Variants in ATP6AP2 observed in about 807,000 individuals in gnomAD.
The protein encoded by ATP6AP2 is renin receptor.
Under a neutral mutation model 23.4 loss-of-function variants are expected in ATP6AP2, and 1 was observed. The ratio of observed to expected loss-of-function variants is 0.04; its 90% CI spans 0.02 to 0.20. The LOEUF is 0.20. Ranked by LOEUF, ATP6AP2 falls within the 10% of genes least tolerant of loss-of-function variation. The pLI, the probability that ATP6AP2 is intolerant of heterozygous loss-of-function variation, is 1.00. For synonymous variants in ATP6AP2, 90 were observed against 97.1 expected, an observed-to-expected ratio of 0.93 and a Z score of 0.43; for missense variants, 174 against 271.3, an observed-to-expected ratio of 0.64 and a Z score of 2.52.
intron 1 of ATP6AP2, among the ~76,000 whole-genome samples, chrX:40,581,930 G>A (rs973787993): frequency 5.4e-5 from 6 of 112,046 alleles, no homozygotes; most frequent in East Asian, 5.6e-4. Context: ...AACAGGTTGG[G>A]TGCTGGATTT....
chrX:40,600,574 G>A, intron 7 of ATP6AP2, 188 bp from the exon 8 acceptor site: 1 of 382,918 alleles, frequency 2.6e-6, no homozygotes, highest in Non-Finnish European at 4.4e-6. Flanking sequence ...TTGACTCACT[G>A]CATAAAATGA....
Position 40,582,215 on chromosome X carries a change from G to A in ATP6AP2, c.37+1113G>A, listed in dbSNP as rs749611190. Among the ~76,000 whole-genome samples the A allele has an allele frequency of 4.5e-5, 5 of 112,085 alleles. No individual in the cohort carries two copies. In the South Asian group the frequency reaches 1.5e-3, roughly 33 times the overall value. ...GGCCGAAGCAGGCAGATCACCTGAGGTCAGGAGTTTGAGACCAGCCTGGCC... is the reference window on the plus strand; with the variant it reads ...GGCCGAAGCAGGCAGATCACCTGAGATCAGGAGTTTGAGACCAGCCTGGCC... On this transcript the variant is annotated intron_variant, in intron 1 of 8. Coordinates refer to ENST00000636580, the MANE Select transcript of ATP6AP2 (RefSeq NM_005765.3).
intron 8 of ATP6AP2, 141 bp downstream of exon 8, chrX:40,601,022 C>T: frequency 1.6e-6 from 1 of 620,682 alleles, no homozygotes; most frequent in Non-Finnish European, 2.4e-6. Context: ...AAAACGTAAG[C>T]TTCTTGTTCA....
intron 7 of ATP6AP2, 35 bp downstream of exon 7, chrX:40,599,776 G>A (rs1409786520): frequency 8.3e-7 from 1 of 1,204,871 alleles, no homozygotes; most frequent in Non-Finnish European, 1.1e-6. Context: ...GTTGGAGTAT[G>A]ACCATTTCAC....
intron 1 of ATP6AP2, among the ~76,000 whole-genome samples, chrX:40,582,878 C>T (rs1485782590): frequency 8.9e-6 from 1 of 111,863 alleles, no homozygotes; most frequent in Non-Finnish European, 1.9e-5. Context: ...GTTTTCCTTA[C>T]TAGCATAGCC....
At chrX:40,581,155 G>T in intron 1 of ATP6AP2, 53 bp downstream of exon 1, 4 of 1,074,457 alleles carry the variant, frequency 3.7e-6, no homozygotes, top group Non-Finnish European at 4.8e-6. Context: ...GCGCCGCGGG[G>T]CTTGGGGGTC....
intron 1 of ATP6AP2, among the ~76,000 whole-genome samples, chrX:40,584,219 G>A (rs1052218572): frequency 1.8e-5 from 2 of 110,248 alleles, no homozygotes; most frequent in African/African-American, 3.3e-5. Flanking sequence ...TGGGACCACA[G>A]GCGCATGCCA....
At chrX:40,601,646 C>G (rs1189210501) in intron 8 of ATP6AP2, among the ~76,000 whole-genome samples, 2 of 109,287 alleles carry the variant, frequency 1.8e-5, no homozygotes, top group African/African-American at 6.7e-5. Flanking sequence ...AGTGTAGATG[C>G]TCCCTAACAT....
chrX:40,602,543 A>C (rs1227060292), intron 8 of ATP6AP2, among the ~76,000 whole-genome samples: 1 of 106,212 alleles, frequency 9.4e-6, no homozygotes. Flanking sequence ...CCAGCTACTT[A>C]GGAGTCTGAG....
intron 6 of ATP6AP2, 95 bp from the exon 7 acceptor site, chrX:40,599,497 C>CTAGTT: frequency 1.9e-6 from 2 of 1,046,271 alleles, no homozygotes; most frequent in Non-Finnish European, 2.6e-6. Flanking sequence ...TTAGTTTAGC[C>CTAGTT]TAGTTTAGTT....
chrX:40,602,041 G>GAGTCT lies in ATP6AP2; in HGVS notation c.858+1160_858+1161insAGTCT, dbSNP rs1376895157. ...TCACGCCTGTAATCCCAGCACTTTG[G>GAGTCT]GAGGTTGAGGCGGGCGGAACACCTG... On this transcript the variant is annotated intron_variant, in intron 8 of 8. Transcript: ENST00000636580. Among the ~76,000 whole-genome samples, 30 of 107,596 alleles carry GAGTCT rather than the reference G, an allele frequency of 2.8e-4. 1 individual carries two copies. The highest frequency in any genetic ancestry group is 8.9e-4 in the East Asian group (3 of 3,386). The allele number at this position is 107,596 out of a possible 115,157, so 93.4% of individuals were successfully genotyped here.
intron 1 of ATP6AP2, among the ~76,000 whole-genome samples, chrX:40,586,520 GGTTA>G (rs1926475928): frequency 8.9e-6 from 1 of 111,787 alleles, no homozygotes; most frequent in Non-Finnish European, 1.9e-5. Context: ...CTGGAGATGA[GGTTA>G]TCTGGTGAGA....
intron 8 of ATP6AP2, among the ~76,000 whole-genome samples, chrX:40,602,923 T>TTTTTTTTTG (rs1555978327): frequency 2.5e-3 from 38 of 15,083 alleles, no homozygotes; most frequent in Non-Finnish European, 6.4e-3. Flanking sequence ...CTTTTTTTTT[T>TTTTTTTTTG]TTTTTTTTTT....
At chrX:40,583,047 G>C (rs1246690969) in intron 1 of ATP6AP2, among the ~76,000 whole-genome samples, 2 of 112,085 alleles carry the variant, frequency 1.8e-5, no homozygotes, top group Non-Finnish European at 3.8e-5. Context: ...AACAAAAATA[G>C]AAATCCTTTA....
intron 1 of ATP6AP2, 24 bp from the exon 2 acceptor site, chrX:40,588,962 T>C: frequency 8.4e-7 from 1 of 1,197,192 alleles, no homozygotes; most frequent in Non-Finnish European, 1.1e-6. Context: ...TGATAATTCA[T>C]TTACTGATCT....
At chrX:40,591,455 C>T (rs760326273) in intron 3 of ATP6AP2, 90 bp downstream of exon 3, 8 of 1,015,343 alleles carry the variant, frequency 7.9e-6, no homozygotes, top group Admixed American at 2.6e-5. Flanking sequence ...ACATACTTCT[C>T]TTATCTGTTT....
chrX:40,591,639 G>A (rs1926632073), intron 3 of ATP6AP2: 7 of 295,459 alleles, frequency 2.4e-5, no homozygotes, highest in South Asian at 2.0e-4. Context: ...GAAAAAGAGA[G>A]CCACTAAAGG....
chrX:40,595,340 G>A (rs59549759), intron 3 of ATP6AP2, among the ~76,000 whole-genome samples: 2,336 of 111,515 alleles, frequency 0.021, 19 homozygotes, highest in Middle Eastern at 0.069. Context: ...TCCATTTAAC[G>A]AAGCTTCCAT....
chrX:40,590,894 A>G (rs1926609890), intron 2 of ATP6AP2: 1 of 221,756 alleles, frequency 4.5e-6, no homozygotes, highest in African/African-American at 2.9e-5. Context: ...TGGGGGAAGA[A>G]AATTTCCATG....
Sources: gnomAD v4.1 joint callset for allele counts (sites outside exome capture counted in the v4.1 genomes callset) on GRCh38, gnomAD v4.1.1 for gene constraint, MANE v1.5 for transcripts, NCBI Gene and HGNC (gene_info 2026-07-23, HGNC 2026-07-21) for gene names.